The following LRMDA variants were observed in gnomAD, a reference collection of about 807,000 sequenced individuals.
LRMDA encodes the protein leucine-rich melanocyte differentiation-associated protein.
Under a neutral mutation model 29.8 loss-of-function variants are expected in LRMDA, and 18 were observed. The ratio of observed to expected loss-of-function variants is 0.60; its 90% confidence interval spans 0.42 to 0.90. LRMDA has a LOEUF of 0.90. LRMDA is among the 40% of genes least tolerant of loss of function. The pLI is 0.00. For synonymous variants in LRMDA, 125 were observed against 109.4 expected, an observed-to-expected ratio of 1.14 and a Z score of -0.89; for missense variants, 273 against 273.9, an observed-to-expected ratio of 1.00 and a Z score of 0.02.
intron 6 of LRMDA, among the ~76,000 whole-genome samples, chr10:76,429,430 A>G (rs1268012298): frequency 6.6e-6 from 1 of 152,152 alleles, no homozygotes; most frequent in Non-Finnish European, 1.5e-5. Flanking sequence ...AAAGTAATTG[A>G]GTCTCAGAGG....
intron 6 of LRMDA, among the ~76,000 whole-genome samples, chr10:76,416,374 C>A (rs1487795909): frequency 6.6e-6 from 1 of 152,174 alleles, no homozygotes; most frequent in Non-Finnish European, 1.5e-5. Context: ...CTTGATTCAA[C>A]CCTCAGATCT....
At chr10:75,528,218 G>GT (rs1845436500) in intron 2 of LRMDA, among the ~76,000 whole-genome samples, 1 of 152,312 alleles carries the variant, frequency 6.6e-6, no homozygotes, top group African/African-American at 2.4e-5. Flanking sequence ...GGTAGCACAA[G>GT]TACCTCTGAA....
chr10:75,890,573 G>A (rs1349676735), intron 2 of LRMDA, among the ~76,000 whole-genome samples: 2 of 152,204 alleles, frequency 1.3e-5, no homozygotes, highest in Admixed American at 6.5e-5. Context: ...CCTGAAGTTG[G>A]CTGGATCTTG....
chr10:75,945,799 A>T (rs1846466473), intron 2 of LRMDA, among the ~76,000 whole-genome samples: 1 of 151,540 alleles, frequency 6.6e-6, no homozygotes, highest in Non-Finnish European at 1.5e-5. Context: ...AATCATGCCT[A>T]TGGGCTAAAT....
intron 6 of LRMDA, among the ~76,000 whole-genome samples, chr10:76,389,455 C>A (rs1841697910): frequency 6.6e-6 from 1 of 152,092 alleles, no homozygotes; most frequent in African/African-American, 2.4e-5. Flanking sequence ...TAGCATTTGC[C>A]TTTTTTATTG....
chr10:75,449,170 AAAG>A lies in LRMDA; in HGVS notation c.131+10680_131+10682del, dbSNP rs1280556927. On this transcript the variant is annotated intron_variant, in intron 2 of 6. Coordinates refer to ENST00000611255, the MANE Select transcript of LRMDA (RefSeq NM_001305581.2). Reference sequence around the variant, plus strand: ...CCATCTCAAAAAAAAAAAAAAAAAAAAAGAAGTCGTGTTTATTTTCAGCCAACA... The same window carrying A: ...CCATCTCAAAAAAAAAAAAAAAAAAAAAGTCGTGTTTATTTTCAGCCAACA... Among the ~76,000 whole-genome samples the A allele has an allele frequency of 9.3e-3, 1,403 of 151,494 alleles. 15 individuals are homozygous for A. Among genetic ancestry groups the A allele is most frequent in the African/African-American group, 0.032 (1,297 of 40,894 alleles).
At chr10:76,012,992 A>G (rs1847811228) in intron 2 of LRMDA, among the ~76,000 whole-genome samples, 1 of 152,086 alleles carries the variant, frequency 6.6e-6, no homozygotes, top group South Asian at 2.1e-4. Flanking sequence ...TGTAAAAGCG[A>G]TTTCTTTGCG....
intron 2 of LRMDA, among the ~76,000 whole-genome samples, chr10:75,579,218 A>T (rs934016210): frequency 1.3e-5 from 2 of 152,248 alleles, no homozygotes; most frequent in African/African-American, 4.8e-5. Flanking sequence ...AAATAGATGC[A>T]ATAGAAAATG....
At chr10:75,750,830 G>C (rs1410857166) in intron 2 of LRMDA, among the ~76,000 whole-genome samples, 1 of 150,860 alleles carries the variant, frequency 6.6e-6, no homozygotes, top group Non-Finnish European at 1.5e-5. Flanking sequence ...TCACTTCCCA[G>C]ACTGGGCGGC....
At chr10:75,770,101 G>T (rs530680618) in intron 2 of LRMDA, among the ~76,000 whole-genome samples, 3 of 151,924 alleles carry the variant, frequency 2.0e-5, no homozygotes, top group Non-Finnish European at 2.9e-5. Context: ...GACCAGCCTG[G>T]GCAAGATGGC....
chr10:75,611,602 C>T (rs1261818857), intron 2 of LRMDA, among the ~76,000 whole-genome samples: 1 of 152,190 alleles, frequency 6.6e-6, no homozygotes, highest in Non-Finnish European at 1.5e-5. Flanking sequence ...TAAGTTATCT[C>T]ATATGAATGG....
intron 2 of LRMDA, among the ~76,000 whole-genome samples, chr10:75,583,873 C>T (rs1840624956): frequency 6.6e-6 from 1 of 152,124 alleles, no homozygotes; most frequent in Non-Finnish European, 1.5e-5. Context: ...TCAGGCTGTC[C>T]TCCTGTTTTA....
chr10:75,471,390 T>C (rs73290684), intron 2 of LRMDA, among the ~76,000 whole-genome samples: 101 of 152,230 alleles, frequency 6.6e-4, no homozygotes, highest in African/African-American at 2.4e-3. Context: ...GGAGTTGAAC[T>C]TCAGCTTCAA....
chr10:75,562,605 A>G (rs933209619), intron 2 of LRMDA, among the ~76,000 whole-genome samples: 10 of 152,074 alleles, frequency 6.6e-5, no homozygotes, highest in African/African-American at 2.4e-4. Flanking sequence ...TCGTTAGTTG[A>G]TGCAGTTTCT....
chr10:76,095,905 A>G (rs189162183), intron 5 of LRMDA, among the ~76,000 whole-genome samples: 1,926 of 151,782 alleles, frequency 0.013, 40 homozygotes, highest in African/African-American at 0.044. Context: ...AGATCGTGCC[A>G]CTGCACTCCA....
intron 5 of LRMDA, among the ~76,000 whole-genome samples, chr10:76,255,011 C>T (rs905668753): frequency 6.6e-6 from 1 of 152,196 alleles, no homozygotes; most frequent in South Asian, 2.1e-4. Flanking sequence ...CAGACTTTCC[C>T]TATTTTCACT....
chr10:75,764,241 A>G lies in LRMDA; in HGVS notation c.132-271767A>G, dbSNP rs113628916. On this transcript the variant is annotated intron_variant, in intron 2 of 6. Coordinates refer to ENST00000611255, the MANE Select transcript of LRMDA (RefSeq NM_001305581.2). The stretch of plus-strand genomic sequence containing the variant: ...AAGTCACCAAATAGTTTCTGTAACC[A>G]TGTCATCAACGGCTGCCAAGACTCT... Among the ~76,000 whole-genome samples, 732 of 152,234 alleles carry G rather than the reference A, an allele frequency of 4.8e-3. 4 individuals carry two copies. Among genetic ancestry groups the G allele is most frequent in the African/African-American group, 0.017 (688 of 41,542 alleles).
In LRMDA at chr10:75,679,473, C is replaced by T. The variant is rs145753625; in HGVS notation, c.131+240979C>T. 2.2e-4 allele frequency among the ~76,000 whole-genome samples: 33 copies of T among 152,260 alleles called. No individual in the cohort carries two copies. In the East Asian group the frequency reaches 6.0e-3, roughly 28 times the overall value. On this transcript the variant is annotated intron_variant, in intron 2 of 6. Coordinates refer to ENST00000611255, the MANE Select transcript of LRMDA (RefSeq NM_001305581.2). ...CATCCAGGTCTGAGTAAGCCTAAACCAATGCTTGGTGACATTGTAAAAGTC... is the reference window on the plus strand; with the variant it reads ...CATCCAGGTCTGAGTAAGCCTAAACTAATGCTTGGTGACATTGTAAAAGTC...
intron 2 of LRMDA, among the ~76,000 whole-genome samples, chr10:75,862,930 G>A (rs190758311): frequency 4.1e-4 from 62 of 152,094 alleles, no homozygotes; most frequent in African/African-American, 1.3e-3. Context: ...AAAATTCATC[G>A]TCAGACCAGG....
Sources: allele counts gnomAD v4.1 joint callset (sites outside exome capture counted in the v4.1 genomes callset), GRCh38; gene constraint gnomAD v4.1.1; transcripts MANE v1.5; gene names NCBI Gene and HGNC (gene_info 2026-07-23, HGNC 2026-07-21).